ITPR2: variants seen among roughly 807,000 people sequenced by gnomAD.
ITPR2 encodes inositol 1,4,5-trisphosphate-gated calcium channel ITPR2.
Under a neutral mutation model 317.1 loss-of-function variants are expected in ITPR2, and 207 were observed. The ratio of observed to expected loss-of-function variants is 0.65; its 90% confidence interval spans 0.58 to 0.73. The LOEUF (loss-of-function observed/expected upper bound fraction) is 0.73. ITPR2 is among the 30% of genes least tolerant of loss of function. The pLI is 0.00. For missense variants in ITPR2, 2,613 were observed against 3,284.0 expected, an observed-to-expected ratio of 0.80 and a Z score of 4.99; for synonymous variants, 1,156 against 1,149.1, an observed-to-expected ratio of 1.01 and a Z score of -0.12.
chr12:26,467,594 C>T (rs78406262), intron 45 of ITPR2, among the ~76,000 whole-genome samples: 4,835 of 152,196 alleles, frequency 0.032, 259 homozygotes, highest in African/African-American at 0.11. Flanking sequence ...GTCAAAGACA[C>T]AGCAATGGCA....
intron 37 of ITPR2, among the ~76,000 whole-genome samples, chr12:26,542,685 T>C (rs1437545078): frequency 1.3e-5 from 2 of 152,230 alleles, no homozygotes; most frequent in Non-Finnish European, 2.9e-5. Flanking sequence ...CTCAATATTT[T>C]TGCAACAATA....
Position 26,760,066 on chromosome 12 carries a change from T to C in ITPR2, c.163+30091A>G, listed in dbSNP as rs183391260. Among the ~76,000 whole-genome samples, 23 of 152,296 alleles carry C rather than the reference T, an allele frequency of 1.5e-4. No homozygotes were observed. The East Asian group carries it at 4.4e-3, about 29-fold the overall frequency. On this transcript the variant is annotated intron_variant, in intron 2 of 56. Coordinates refer to ENST00000381340, the MANE Select transcript of ITPR2 (RefSeq NM_002223.4). ...GCCTATGCACATTCTTCTGTACACT[T>C]TAAACCATCTCTAGATTACTTATAA...
chr12:26,625,010 A>G (rs547942396), intron 23 of ITPR2, among the ~76,000 whole-genome samples: 1 of 152,324 alleles, frequency 6.6e-6, no homozygotes, highest in East Asian at 1.9e-4. Context: ...AGCCATTAAA[A>G]AAAAGAATGA....
intron 2 of ITPR2, among the ~76,000 whole-genome samples, chr12:26,771,672 G>A (rs568595041): frequency 2.6e-5 from 4 of 151,960 alleles, no homozygotes; most frequent in Non-Finnish European, 4.4e-5. Flanking sequence ...CCAACACCAC[G>A]CCTGGCTAAT....
intron 2 of ITPR2, among the ~76,000 whole-genome samples, chr12:26,729,540 C>T (rs141967502): frequency 2.3e-4 from 35 of 152,152 alleles, no homozygotes; most frequent in African/African-American, 8.4e-4. Context: ...ATAGCAAAGA[C>T]ATGGAATCAA....
chr12:26,817,691 A>C (rs987363734), intron 1 of ITPR2, among the ~76,000 whole-genome samples: 2 of 152,102 alleles, frequency 1.3e-5, no homozygotes, highest in East Asian at 3.8e-4. Flanking sequence ...TTGTCTACCC[A>C]CCTAGTTTCA....
chr12:26,386,427 T>A (rs1039757730), intron 55 of ITPR2, among the ~76,000 whole-genome samples: 12 of 152,192 alleles, frequency 7.9e-5, no homozygotes, highest in Admixed American at 1.3e-4. Flanking sequence ...TATTGACAGG[T>A]AAGGTAAACT....
chr12:26,367,634 T>C (rs1172099339), intron 55 of ITPR2, among the ~76,000 whole-genome samples: 1 of 152,202 alleles, frequency 6.6e-6, no homozygotes, highest in Non-Finnish European at 1.5e-5. Context: ...AATCTGGCAA[T>C]ACAGCCAAAC....
intron 32 of ITPR2, among the ~76,000 whole-genome samples, chr12:26,588,385 A>G (rs1348930322): frequency 2.0e-5 from 3 of 152,332 alleles, no homozygotes; most frequent in African/African-American, 7.2e-5. Flanking sequence ...CTGGGGTCCA[A>G]GGGAAGAAGC....
At chr12:26,436,721 G>T (rs1485272779) in intron 47 of ITPR2, among the ~76,000 whole-genome samples, 2 of 151,782 alleles carry the variant, frequency 1.3e-5, no homozygotes, top group Non-Finnish European at 2.9e-5. Flanking sequence ...GTATAATTTG[G>T]TAATATTGAT....
At chr12:26,686,116 C>A (rs1322094726) in intron 11 of ITPR2, among the ~76,000 whole-genome samples, 1 of 151,796 alleles carries the variant, frequency 6.6e-6, no homozygotes, top group Non-Finnish European at 1.5e-5. Context: ...TGATTGACTA[C>A]ATAAATGAAC....
At chr12:26,400,970 C>T (rs537414634) in intron 52 of ITPR2, 1 of 152,362 alleles carries the variant, frequency 6.6e-6, no homozygotes, top group African/African-American at 2.4e-5. Context: ...TAGCTAATGC[C>T]TGTAATCCCA....
rs545102461 is a variant in ITPR2 at position 26,492,221 on chromosome 12, G to A, written c.5370+1932C>T. Among the ~76,000 whole-genome samples the A allele has an allele frequency of 2.0e-5, 3 of 152,274 alleles. 1 individual carries two copies. The highest frequency in any genetic ancestry group is 4.8e-5 in the African/African-American group (2 of 41,542). ...TGCCACAGAAAATCATGTAAAGAAG[G>A]ACTGAAAAATATTTCGGTTGTGAAG... On this transcript the variant is annotated intron_variant, in intron 39 of 56. Coordinates refer to ENST00000381340, the MANE Select transcript of ITPR2 (RefSeq NM_002223.4).
At chr12:26,633,080 A>G (rs938339395) in intron 21 of ITPR2, among the ~76,000 whole-genome samples, 1 of 152,030 alleles carries the variant, frequency 6.6e-6, no homozygotes, top group African/African-American at 2.4e-5. Context: ...CCTTTCCCTC[A>G]GTGTCTCAGG....
At chr12:26,340,619 T>C (rs1197167269) in intron 55 of ITPR2, among the ~76,000 whole-genome samples, 1 of 152,106 alleles carries the variant, frequency 6.6e-6, no homozygotes, top group Non-Finnish European at 1.5e-5. Flanking sequence ...TGGTGAATGA[T>C]GAGGTGGGGT....
chr12:26,751,362 G>T (rs192949862), intron 2 of ITPR2, among the ~76,000 whole-genome samples: 88 of 152,128 alleles, frequency 5.8e-4, no homozygotes, highest in Admixed American at 5.2e-3. Context: ...AAAGTTGAAA[G>T]GTCATTGTCC....
chr12:26,775,750 A>G, intron 2 of ITPR2, among the ~76,000 whole-genome samples: 1 of 151,708 alleles, frequency 6.6e-6, no homozygotes, highest in East Asian at 1.9e-4. Context: ...AAAAGGCTAC[A>G]CTGGATTAGC....
chr12:26,543,558 G>A (rs1203184521), intron 37 of ITPR2, among the ~76,000 whole-genome samples: 1 of 152,164 alleles, frequency 6.6e-6, no homozygotes, highest in African/African-American at 2.4e-5. Flanking sequence ...TGGATTGCTT[G>A]AGGTCAGGAG....
chr12:26,536,936 G>A (rs1206908293), intron 37 of ITPR2, among the ~76,000 whole-genome samples: 1 of 152,192 alleles, frequency 6.6e-6, no homozygotes, highest in African/African-American at 2.4e-5. Context: ...ATAACAATGG[G>A]AAACCACAGG....
Sources: allele counts gnomAD v4.1 joint callset (sites outside exome capture counted in the v4.1 genomes callset), GRCh38; gene constraint gnomAD v4.1.1; transcripts MANE v1.5; gene names NCBI Gene and HGNC (gene_info 2026-07-23, HGNC 2026-07-21).